Variants in MTARC1 observed in about 807,000 individuals in gnomAD.
MTARC1 encodes the protein mitochondrial amidoxime reducing component 1.
MTARC1 carries 24 observed loss-of-function variants against 33.6 expected under a neutral mutation model. That is an observed-to-expected ratio of 0.72 (90% CI 0.52 to 1.01). The LOEUF is 1.01. MTARC1 is among the 50% of genes least tolerant of loss of function. MTARC1 has a pLI of 0.00. For synonymous variants in MTARC1, 187 were observed against 189.5 expected, an observed-to-expected ratio of 0.99 and a Z score of 0.11; for missense variants, 417 against 445.7, an observed-to-expected ratio of 0.94 and a Z score of 0.58.
At chr1:220,812,324 C>G (rs1673160124) in intron 6 of MTARC1, among the ~76,000 whole-genome samples, 1 of 152,186 alleles carries the variant, frequency 6.6e-6, no homozygotes, top group East Asian at 1.9e-4. Flanking sequence ...TCTTTAGGCA[C>G]TGGAGAGCCA....
Position 220,819,579 on chromosome 1 carries a change from A to T in MTARC1, c.*6161A>T, listed in dbSNP as rs1032525127. 2.6e-5 allele frequency: 4 copies of T among 152,234 alleles called. No homozygotes were observed. The highest frequency in any genetic ancestry group is 3.8e-4 in the East Asian group (2 of 5,202). 9.4% of individuals were successfully genotyped at this position (152,234 alleles called of 1,614,324 possible). ...ATTAATGCCTGATGGGGTGAATCTTAGTTCTTAAAGCTATATTCTGCTCAT... is the reference window on the plus strand; with the variant it reads ...ATTAATGCCTGATGGGGTGAATCTTTGTTCTTAAAGCTATATTCTGCTCAT... On this transcript the variant is annotated 3_prime_UTR_variant, in exon 7 of 7. Transcript: ENST00000366910.
intron 2 of MTARC1, 121 bp downstream of exon 2, chr1:220,791,785 A>G: frequency 9.4e-7 from 1 of 1,068,072 alleles, no homozygotes; most frequent in South Asian, 1.8e-5. Flanking sequence ...TTGCATGTGT[A>G]CCATATACAG....
At chr1:220,800,057 C>T (rs906683376) in intron 4 of MTARC1, among the ~76,000 whole-genome samples, 18 of 152,078 alleles carry the variant, frequency 1.2e-4, no homozygotes, top group African/African-American at 3.4e-4. Flanking sequence ...ATTTGTGCAC[C>T]GAGGGTCATG....
At position 220,819,432 on chromosome 1, in the gene MTARC1, C is replaced by G. The variant is rs1168113679; in HGVS notation, c.*6014C>G. 1.3e-5 allele frequency: 2 copies of G among 152,212 alleles called. No homozygotes were observed. Among genetic ancestry groups the G allele is most frequent in the East Asian group, 3.9e-4 (2 of 5,174 alleles). The allele number at this position is 152,212 out of a possible 1,614,324, so 9.4% of individuals were successfully genotyped here. A position where few individuals can be genotyped will look rare whatever the true frequency, so the allele number is the denominator to read the frequency against. ...TGGAGCTTTTGTGGGGCTAAGAGAT[C>G]TTGTATATATGCTATCAAAAGGCTG... On this transcript the variant is annotated 3_prime_UTR_variant, in exon 7 of 7. Coordinates refer to ENST00000366910, the MANE Select transcript of MTARC1 (RefSeq NM_022746.4).
chr1:220,811,003 A>T (rs72472355), intron 6 of MTARC1, among the ~76,000 whole-genome samples: 1 of 152,194 alleles, frequency 6.6e-6, no homozygotes, highest in Non-Finnish European at 1.5e-5. Context: ...AGTTCCTTAT[A>T]AACTATCCAT....
At chr1:220,792,025 C>T (rs942256742) in intron 2 of MTARC1, among the ~76,000 whole-genome samples, 2 of 152,136 alleles carry the variant, frequency 1.3e-5, no homozygotes, top group African/African-American at 4.8e-5. Context: ...ACTCGATCTA[C>T]GTATTCTCAT....
chr1:220,794,192 T>C (rs1672528307), intron 2 of MTARC1: 1 of 152,042 alleles, frequency 6.6e-6, no homozygotes, highest in Admixed American at 6.6e-5. Context: ...AGGGAAGCCC[T>C]GGGCTGCCAA....
At chr1:220,809,446 G>A (rs1673061946) in intron 6 of MTARC1, among the ~76,000 whole-genome samples, 1 of 152,000 alleles carries the variant, frequency 6.6e-6, no homozygotes, top group South Asian at 2.1e-4. Flanking sequence ...TGGAGGTTCA[G>A]TGTGGCACCT....
In MTARC1 at chr1:220,819,271, A is replaced by G. The variant is rs1673338250; in HGVS notation, c.*5853A>G. Reference sequence around the variant, plus strand: ...GACAGAAGAGTGTTTTCATGTCCCAAGGACAAATTTTAACAACCATAATCT... The same window carrying G: ...GACAGAAGAGTGTTTTCATGTCCCAGGGACAAATTTTAACAACCATAATCT... On this transcript the variant is annotated 3_prime_UTR_variant, in exon 7 of 7. Coordinates refer to ENST00000366910, the MANE Select transcript of MTARC1 (RefSeq NM_022746.4). The G allele has an allele frequency of 2.0e-5, 3 of 152,220 alleles. No homozygotes were observed. The highest frequency in any genetic ancestry group is 2.0e-4 in the Admixed American group (3 of 15,280). The allele number at this position is 152,220 out of a possible 1,614,324, so 9.4% of individuals were successfully genotyped here.
chr1:220,795,329 G>A (rs1346644492), intron 2 of MTARC1, among the ~76,000 whole-genome samples: 1 of 152,098 alleles, frequency 6.6e-6, no homozygotes, highest in East Asian at 1.9e-4. Context: ...TATCACCAAG[G>A]CCATGGAGCT....
intron 6 of MTARC1, among the ~76,000 whole-genome samples, chr1:220,809,868 G>A (rs548854536): frequency 6.6e-6 from 1 of 152,190 alleles, no homozygotes; most frequent in Non-Finnish European, 1.5e-5. Context: ...GGTGACTTAT[G>A]GTCCCATGAA....
intron 4 of MTARC1, among the ~76,000 whole-genome samples, chr1:220,801,339 C>T (rs1672798480): frequency 6.7e-6 from 1 of 148,462 alleles, no homozygotes; most frequent in Admixed American, 6.7e-5. Flanking sequence ...TGACCCCGCT[C>T]ACCCAGCCCC....
intron 2 of MTARC1, among the ~76,000 whole-genome samples, chr1:220,794,780 G>T (rs990747231): frequency 1.3e-5 from 2 of 152,036 alleles, no homozygotes; most frequent in African/African-American, 2.4e-5. Context: ...ATAGGCCTTG[G>T]GTGCATATTT....
chr1:220,817,423 G>C lies in MTARC1; in HGVS notation c.*4005G>C, dbSNP rs1383583861. The C allele has an allele frequency of 6.6e-6, 1 of 152,390 alleles. No homozygotes were observed. Among genetic ancestry groups the C allele is most frequent in the East Asian group, 1.9e-4 (1 of 5,194 alleles). 9.4% of individuals were successfully genotyped at this position (152,390 alleles called of 1,614,324 possible). A position where few individuals can be genotyped will look rare whatever the true frequency, so the allele number is the denominator to read the frequency against. On this transcript the variant is annotated 3_prime_UTR_variant, in exon 7 of 7. Coordinates refer to ENST00000366910, the MANE Select transcript of MTARC1 (RefSeq NM_022746.4). ...GGGACCCAAATGGGCTGCTGCTGCTGGCTGGGGTGGCCACCTTTTATTCCC... is the reference window on the plus strand; with the variant it reads ...GGGACCCAAATGGGCTGCTGCTGCTCGCTGGGGTGGCCACCTTTTATTCCC...
chr1:220,809,285 A>G (rs1673057343), intron 6 of MTARC1, among the ~76,000 whole-genome samples: 1 of 152,202 alleles, frequency 6.6e-6, no homozygotes. Context: ...AAAATACTGT[A>G]CACAGTGACC....
chr1:220,796,963 A>C (rs1485048848), intron 3 of MTARC1, among the ~76,000 whole-genome samples, 158 bp downstream of exon 3: 1 of 152,148 alleles, frequency 6.6e-6, no homozygotes, highest in Non-Finnish European at 1.5e-5. Flanking sequence ...CTTCCCTTGG[A>C]AGCATTGTTT....
At chr1:220,794,738 C>T (rs1378609378) in intron 2 of MTARC1, among the ~76,000 whole-genome samples, 1 of 152,102 alleles carries the variant, frequency 6.6e-6, no homozygotes, top group Non-Finnish European at 1.5e-5. Flanking sequence ...AAGGCAGACA[C>T]TCCTGGTCTT....
chr1:220,810,542 C>CA (rs1432013030), intron 6 of MTARC1, among the ~76,000 whole-genome samples: 1 of 149,952 alleles, frequency 6.7e-6, no homozygotes, highest in Non-Finnish European at 1.5e-5. Context: ...AGCCGGTGAC[C>CA]ACACCTGCAC....
chr1:220,798,629 T>G, intron 4 of MTARC1: 1 of 956,772 alleles, frequency 1.0e-6, no homozygotes, highest in Non-Finnish European at 1.2e-6. Context: ...TTTAACTTGA[T>G]TCTCTCCCTG....
Sources: gnomAD v4.1 joint callset for allele counts (sites outside exome capture counted in the v4.1 genomes callset) on GRCh38, gnomAD v4.1.1 for gene constraint, MANE v1.5 for transcripts, NCBI Gene and HGNC (gene_info 2026-07-23, HGNC 2026-07-21) for gene names.